The following MTIF2 variants were observed in gnomAD, a reference collection of about 807,000 sequenced individuals.
MTIF2 encodes the protein translation initiation factor IF-2, mitochondrial.
MTIF2 carries 71 observed loss-of-function variants against 83.5 expected under a neutral mutation model. The ratio of observed to expected loss-of-function variants is 0.85; its 90% CI spans 0.70 to 1.04. MTIF2 has a LOEUF of 1.04. Ranked by LOEUF, MTIF2 falls within the 50% of genes least tolerant of loss-of-function variation. The probability of loss-of-function intolerance (pLI) is 0.00; values close to 1 mark genes in which losing one functional copy is unlikely to be tolerated. For missense variants in MTIF2, 957 were observed against 846.5 expected (o/e 1.13, Z -1.62); for synonymous variants, 319 against 287.1 (o/e 1.11, Z -1.12).
At position 55,255,449 on chromosome 2, in the gene MTIF2, AT is replaced by A. The variant is rs959172075; in HGVS notation, c.332-625del. ...CAATATGATATATTATGTATAATAT[AT>A]ATATATAAATCAAATATGTAAAATA... On this transcript the variant is annotated intron_variant, in intron 5 of 15. Coordinates refer to ENST00000263629, the MANE Select transcript of MTIF2 (RefSeq NM_002453.3). Among the ~76,000 whole-genome samples, 606 of 147,036 alleles carry A rather than the reference AT, an allele frequency of 4.1e-3. 2 individuals are homozygous for A. Among genetic ancestry groups the A allele is most frequent in the Non-Finnish European group, 6.2e-3 (416 of 66,946 alleles).
chr2:55,237,406 G>A lies in MTIF2; in HGVS notation c.1893C>T (p.Thr631=). ...HPVGEASILA[T]FSVTEGKKKV... is the part of the protein sequence containing the mutation. ...TTTTCTTCCCTTCTGTTACAGAGAA[G>A]GTAGCTAGTATAGATGCCTCACCTT... Residue 631 remains threonine, a synonymous_variant, in exon 15 of 16, where the codon ACC becomes ACT. Coordinates refer to ENST00000263629, the MANE Select transcript of MTIF2 (RefSeq NM_002453.3). 2 of 1,612,316 alleles carry A rather than the reference G, an allele frequency of 1.2e-6. No homozygotes were observed. Among genetic ancestry groups the A allele is most frequent in the Non-Finnish European group, 1.7e-6 (2 of 1,179,752 alleles).
intron 4 of MTIF2, 97 bp downstream of exon 4, chr2:55,263,543 T>A (rs1383887407): frequency 1.1e-6 from 1 of 882,324 alleles, no homozygotes; most frequent in Admixed American, 2.7e-5. Context: ...CCAAGAGGCG[T>A]AGGTTGCGGT....
At chr2:55,239,967 C>A in intron 14 of MTIF2, 44 bp downstream of exon 14, 1 of 1,553,474 alleles carries the variant, frequency 6.4e-7, no homozygotes, top group Non-Finnish European at 8.8e-7. Context: ...ATTTATAGCA[C>A]CTAATATACT....
At position 55,252,403 on chromosome 2, in the gene MTIF2, T is replaced by G. The variant is rs1677162830; in HGVS notation, c.841+74A>C. The G allele has an allele frequency of 3.9e-6, 5 of 1,291,100 alleles. No homozygotes were observed. In the South Asian group the frequency reaches 6.6e-5, roughly 17 times the overall value. The allele number at this position is 1,291,100 out of a possible 1,614,324, so 80.0% of individuals were successfully genotyped here. A position where few individuals can be genotyped will look rare whatever the true frequency, so the allele number is the denominator to read the frequency against. On this transcript the variant is annotated intron_variant, in intron 8 of 15. Coordinates refer to ENST00000263629, the MANE Select transcript of MTIF2 (RefSeq NM_002453.3). ...ATAACTCTGGGATTGTTGTGAAGAC[T>G]AAATGAGCTATATGTAAATGGCCCC...
intron 14 of MTIF2, among the ~76,000 whole-genome samples, chr2:55,238,764 T>C (rs150368973): frequency 1.7e-4 from 26 of 152,284 alleles, no homozygotes; most frequent in African/African-American, 5.8e-4. Flanking sequence ...TGAACCAATT[T>C]TCTAGGGTGC....
intron 15 of MTIF2, 45 bp from the exon 16 acceptor site, chr2:55,236,865 G>A: frequency 7.1e-7 from 1 of 1,400,796 alleles, no homozygotes; most frequent in Non-Finnish European, 9.6e-7. Flanking sequence ...TAAATGATAA[G>A]TACCTACTAA....
At position 55,236,729 on chromosome 2, in the gene MTIF2, C is replaced by T; in HGVS notation, c.2103G>A (p.Met701Ile). ...CAATTCTGTCTCCCACTTGAAATTC[C>T]ATATTGTCTTCATCTAAACTGAGAC... Reference protein sequence around the residue: ...DCGLSLDEDNMEFQVGDRIVC... With the variant: ...DCGLSLDEDNIEFQVGDRIVC... The change falls in exon 16 of 16, where the codon ATG becomes ATA. Residue 701 changes from methionine to isoleucine, a missense_variant. Physicochemically the swap from Met to Ile is conservative, Grantham distance 10. This residue lies in a region of MTIF2 where 221 missense variants were observed against 180.6 expected (regional missense o/e 1.22). Coordinates refer to ENST00000263629, the MANE Select transcript of MTIF2 (RefSeq NM_002453.3). 2 of 1,611,146 alleles carry T rather than the reference C, an allele frequency of 1.2e-6. No individual in the cohort carries two copies. The highest frequency in any genetic ancestry group is 1.7e-6 in the Non-Finnish European group (2 of 1,179,162).
Position 55,244,121 on chromosome 2 carries a change from T to C in MTIF2, c.1219A>G (p.Ile407Val). The stretch of plus-strand genomic sequence containing the variant: ...GGCATGCTGGGATAGGCCTCATCAA[T>C]TGTTTTTCCATTTTCATCAAACATT... ...RLMFDENGKT[I>V]DEAYPSMPVG... Residue 407 changes from isoleucine (I) to valine (V), a missense_variant, in exon 11 of 16, where the codon ATT (isoleucine) becomes GTT (valine). This residue lies in a region of MTIF2 where 733 missense variants were observed against 648.7 expected (regional missense o/e 1.13). Coordinates refer to ENST00000263629, the MANE Select transcript of MTIF2 (RefSeq NM_002453.3). 1.2e-6 allele frequency: 2 copies of C among 1,614,192 alleles called. No homozygotes were observed. The highest frequency in any genetic ancestry group is 1.7e-6 in the Non-Finnish European group (2 of 1,180,028).
intron 13 of MTIF2, among the ~76,000 whole-genome samples, chr2:55,242,636 G>C (rs897105019): frequency 7.2e-5 from 11 of 152,142 alleles, no homozygotes; most frequent in African/African-American, 2.7e-4. Context: ...CCTTGGGATA[G>C]TAAAGAACCA....
intron 11 of MTIF2, 51 bp downstream of exon 11, chr2:55,243,978 A>G (rs1558555691): frequency 7.1e-7 from 1 of 1,403,860 alleles, no homozygotes; most frequent in Admixed American, 2.2e-5. Flanking sequence ...GTAAACTGGC[A>G]TTTAAAATCA....
At chr2:55,242,830 G>T in intron 13 of MTIF2, 110 bp downstream of exon 13, 1 of 1,102,108 alleles carries the variant, frequency 9.1e-7, no homozygotes, top group Non-Finnish European at 1.3e-6. Flanking sequence ...GAAGGGTGAT[G>T]CTGATAGCAG....
chr2:55,237,778 G>C (rs904470337), intron 14 of MTIF2, among the ~76,000 whole-genome samples: 3 of 149,638 alleles, frequency 2.0e-5, no homozygotes, highest in Non-Finnish European at 3.0e-5. Context: ...AGCCTCCCGA[G>C]TAGCTGGGAT....
chr2:55,236,840 G>A lies in MTIF2; in HGVS notation c.2012-20C>T. 1 of 1,536,640 alleles carries A rather than the reference G, an allele frequency of 6.5e-7. No homozygotes were observed. The highest frequency in any genetic ancestry group is 8.7e-7 in the Non-Finnish European group (1 of 1,143,262). ...ATGAGCCTTAAAAAAGATAATTTAAGGTTAGTATATTCAATAAATGATAAG... is the reference window on the plus strand; with the variant it reads ...ATGAGCCTTAAAAAAGATAATTTAAAGTTAGTATATTCAATAAATGATAAG... On this transcript the variant is annotated intron_variant, in intron 15 of 15. Coordinates refer to ENST00000263629, the MANE Select transcript of MTIF2 (RefSeq NM_002453.3).
chr2:55,266,998 G>C (rs1376197421), intron 3 of MTIF2, among the ~76,000 whole-genome samples: 1 of 152,020 alleles, frequency 6.6e-6, no homozygotes, highest in South Asian at 2.1e-4. Flanking sequence ...TCAAACTCCT[G>C]ACCTCAGGTG....
At chr2:55,242,275 T>C (rs1194621212) in intron 13 of MTIF2, among the ~76,000 whole-genome samples, 7 of 152,236 alleles carry the variant, frequency 4.6e-5, no homozygotes, top group Admixed American at 4.6e-4. Flanking sequence ...CCTCTATCCT[T>C]TTCAGTAGTA....
chr2:55,254,629 G>T, intron 6 of MTIF2, 25 bp downstream of exon 6: 1 of 1,539,222 alleles, frequency 6.5e-7, no homozygotes. Context: ...CCCAAACCCT[G>T]CCAGTATATA....
At chr2:55,252,316 T>C (rs1361369274) in intron 8 of MTIF2, among the ~76,000 whole-genome samples, 161 bp downstream of exon 8, 2 of 152,248 alleles carry the variant, frequency 1.3e-5, no homozygotes, top group Admixed American at 6.5e-5. Flanking sequence ...ATACTCTTCC[T>C]ATTAGTTATA....
intron 14 of MTIF2, among the ~76,000 whole-genome samples, chr2:55,237,931 G>A (rs775023796): frequency 2.6e-5 from 4 of 151,968 alleles, no homozygotes; most frequent in Non-Finnish European, 5.9e-5. Flanking sequence ...AATTACAGGC[G>A]TGAGCCACTG....
chr2:55,236,656 C>T lies in MTIF2; in HGVS notation c.2176G>A (p.Gly726Arg). ...QIQAKTSWDPGF is the reference protein window; with the variant it reads ...QIQAKTSWDPRF The stretch of plus-strand genomic sequence containing the variant: ...ACATTTTTAATGTAATTTTAAAATC[C>T]TGGATCCCAAGAAGTCTTGGCTTGA... The change falls in exon 16 of 16, where the codon GGA (glycine) becomes AGA (arginine). Residue 726 changes from glycine to arginine, a missense_variant. Gly to Arg is a moderately radical substitution (Grantham distance 125). This residue lies in a region of MTIF2 where 221 missense variants were observed against 180.6 expected (regional missense o/e 1.22). Coordinates refer to ENST00000263629, the MANE Select transcript of MTIF2 (RefSeq NM_002453.3). 1 of 1,586,088 alleles carries T rather than the reference C, an allele frequency of 6.3e-7. No homozygotes were observed. The highest frequency in any genetic ancestry group is 8.5e-7 in the Non-Finnish European group (1 of 1,171,388).
Sources: allele counts gnomAD v4.1 joint callset (sites outside exome capture counted in the v4.1 genomes callset), GRCh38; gene constraint gnomAD v4.1.1; regional missense constraint gnomAD v4.1.1; transcripts MANE v1.5; gene names NCBI Gene and HGNC (gene_info 2026-07-23, HGNC 2026-07-21).